Variants in PCDHGB4 observed in about 807,000 individuals in gnomAD.
PCDHGB4 encodes protocadherin gamma-B4.
PCDHGB4 carries 38 observed loss-of-function variants against 60.5 expected under a neutral mutation model. The observed-to-expected ratio is 0.63, with a 90% CI of 0.48 to 0.82. The LOEUF (loss-of-function observed/expected upper bound fraction) is 0.82. Ranked by LOEUF, PCDHGB4 falls within the 40% of genes least tolerant of loss-of-function variation. PCDHGB4 has a pLI of 0.00. For missense variants in PCDHGB4, 1,109 were observed against 1,209.6 expected (o/e 0.92, Z 1.23); for synonymous variants, 456 against 509.7 (o/e 0.89, Z 1.42).
chr5:141,428,757 G>T (rs1216855355), intron 1 of PCDHGB4: 1 of 154,176 alleles, frequency 6.5e-6, no homozygotes, highest in Non-Finnish European at 1.4e-5. Context: ...CTTCAGGTTT[G>T]TTTGCCCACT....
At position 141,387,838 on chromosome 5, in the gene PCDHGB4, A is replaced by G; in HGVS notation, c.-47A>G. On this transcript the variant is annotated 5_prime_UTR_variant, in exon 1 of 4. Transcript: ENST00000519479. The stretch of plus-strand genomic sequence containing the variant: ...AATCTGCAATACAGAGGTTATTTGT[A>G]ACCCGGCGTCTCCAGGCTGGTGAGC... 6.3e-7 allele frequency: 1 copy of G among 1,598,726 alleles called. No individual in the cohort carries two copies. The highest frequency in any genetic ancestry group is 2.2e-5 in the East Asian group (1 of 44,656).
At position 141,477,137 on chromosome 5, in the gene PCDHGB4, G is replaced by A; in HGVS notation, c.2398-17670G>A. 1 of 1,614,200 alleles carries A rather than the reference G, an allele frequency of 6.2e-7. No individual in the cohort carries two copies. The highest frequency in any genetic ancestry group is 8.5e-7 in the Non-Finnish European group (1 of 1,180,050). On this transcript the variant is annotated intron_variant, in intron 1 of 3. Coordinates refer to ENST00000519479, the MANE Select transcript of PCDHGB4 (RefSeq NM_003736.4). The surrounding 1 kb of genome is among the most constrained non-coding windows in gnomAD (Gnocchi z 4.9). ...AGGAGCACATTGCAAAGTGTTGGTG[G>A]AGGTTGTGGATGTGAATGACAACGC...
intron 1 of PCDHGB4, chr5:141,479,537 T>C (rs1299169562): frequency 6.6e-6 from 1 of 152,230 alleles, no homozygotes; most frequent in Non-Finnish European, 1.5e-5. Context: ...GTGGAGAAGG[T>C]CAAAACTGCT....
chr5:141,505,026 G>T (rs190826538), intron 2 of PCDHGB4, among the ~76,000 whole-genome samples: 1 of 152,198 alleles, frequency 6.6e-6, no homozygotes, highest in South Asian at 2.1e-4. Context: ...GCCTGGCACA[G>T]TGGCAGGTGC....
At chr5:141,404,167 G>A (rs2094493296) in intron 1 of PCDHGB4, 1 of 1,612,946 alleles carries the variant, frequency 6.2e-7, no homozygotes, top group South Asian at 1.1e-5. Flanking sequence ...ACAGATTGTT[G>A]ACGGCCCAAA....
intron 1 of PCDHGB4, chr5:141,409,281 C>A (rs1238898498): frequency 6.2e-7 from 1 of 1,613,874 alleles, no homozygotes; most frequent in Non-Finnish European, 8.5e-7. Flanking sequence ...TTGGAGAATT[C>A]ACCTCCAGGA....
intron 1 of PCDHGB4, chr5:141,410,511 G>C (rs755576652): frequency 6.2e-7 from 1 of 1,613,824 alleles, no homozygotes; most frequent in Non-Finnish European, 8.5e-7. Flanking sequence ...CTAAAATGCA[G>C]TGTGCCCCTA....
chr5:141,507,578 C>T (rs1268451710), intron 3 of PCDHGB4, among the ~76,000 whole-genome samples: 1 of 152,220 alleles, frequency 6.6e-6, no homozygotes, highest in East Asian at 1.9e-4. Context: ...GAGGAGATGC[C>T]AAGTTGGCCT....
intron 1 of PCDHGB4, among the ~76,000 whole-genome samples, chr5:141,474,463 T>C (rs1447737626): frequency 6.6e-6 from 1 of 152,228 alleles, no homozygotes; most frequent in Admixed American, 6.5e-5. Flanking sequence ...GCTATACTCT[T>C]TATTCTAAAT....
intron 3 of PCDHGB4, among the ~76,000 whole-genome samples, chr5:141,506,363 C>T (rs1013247178): frequency 4.0e-5 from 6 of 150,792 alleles, no homozygotes; most frequent in South Asian, 4.2e-4. Context: ...GCAGGAGAAT[C>T]GCTTGAACCT....
chr5:141,419,584 C>G, intron 1 of PCDHGB4: 1 of 1,611,800 alleles, frequency 6.2e-7, no homozygotes. Context: ...CCGCGCTCTT[C>G]GACACAGTGC....
At chr5:141,413,623 G>A (rs1454358985) in intron 1 of PCDHGB4, 2 of 1,613,752 alleles carry the variant, frequency 1.2e-6, no homozygotes, top group African/African-American at 1.3e-5. Flanking sequence ...TAATGAAAAT[G>A]TCGCTGCGGG....
rs2099412065 is a variant in PCDHGB4, at chr5:141,477,502, C to T, written c.2398-17305C>T. On this transcript the variant is annotated intron_variant, in intron 1 of 3. Coordinates refer to ENST00000519479, the MANE Select transcript of PCDHGB4 (RefSeq NM_003736.4). This position sits in a 1 kb window ranked among gnomAD's most constrained non-coding sequence, Gnocchi z 4.9. ...CTCCACAATCTTCTCAATCTTCCTACGACGTTTACATTGAAGAAAACAACC... is the reference window on the plus strand; with the variant it reads ...CTCCACAATCTTCTCAATCTTCCTATGACGTTTACATTGAAGAAAACAACC... 2 of 1,614,144 alleles carry T rather than the reference C, an allele frequency of 1.2e-6. No homozygotes were observed. Among genetic ancestry groups the T allele is most frequent in the Non-Finnish European group, 1.7e-6 (2 of 1,180,018 alleles).
At chr5:141,445,553 A>G (rs948468877) in intron 1 of PCDHGB4, among the ~76,000 whole-genome samples, 1 of 152,252 alleles carries the variant, frequency 6.6e-6, no homozygotes, top group Non-Finnish European at 1.5e-5. Context: ...ATACAAAAGC[A>G]CTAAGAGAAA....
chr5:141,408,914 A>G lies in PCDHGB4; in HGVS notation c.2397+18633A>G, dbSNP rs776105035. ...AATTTCTGTCAAGGATACCAATGAT[A>G]ACCCCCCGGTTTTCAGCAGAGACGA... On this transcript the variant is annotated intron_variant, in intron 1 of 3. Coordinates refer to ENST00000519479, the MANE Select transcript of PCDHGB4 (RefSeq NM_003736.4). The G allele has an allele frequency of 1.2e-5, 20 of 1,613,446 alleles. No homozygotes were observed. The South Asian group carries it at 2.1e-4, about 17-fold the overall frequency.
At chr5:141,409,054 T>C (rs1314214077) in intron 1 of PCDHGB4, 2 of 1,613,910 alleles carry the variant, frequency 1.2e-6, no homozygotes, top group Non-Finnish European at 1.7e-6. Flanking sequence ...TCCGAAGCAC[T>C]GCCCAGAGCA....
intron 1 of PCDHGB4, chr5:141,408,371 A>C (rs2095092452): frequency 6.2e-7 from 1 of 1,613,848 alleles, no homozygotes; most frequent in Non-Finnish European, 8.5e-7. Flanking sequence ...TCTAGGGCTC[A>C]GTGTCCTGGA....
chr5:141,408,924 T>G, intron 1 of PCDHGB4: 1 of 1,612,706 alleles, frequency 6.2e-7, no homozygotes. Flanking sequence ...AACCCCCCGG[T>G]TTTCAGCAGA....
At chr5:141,409,317 G>A in intron 1 of PCDHGB4, 2 of 1,613,940 alleles carry the variant, frequency 1.2e-6, no homozygotes, top group Non-Finnish European at 1.7e-6. Flanking sequence ...TTCAAAACAC[G>A]GGATCTGGAT....
Sources: gnomAD v4.1 joint callset for allele counts (sites outside exome capture counted in the v4.1 genomes callset) on GRCh38, gnomAD v4.1.1 for gene constraint, Gnocchi (gnomAD v3.1) non-coding constraint, MANE v1.5 for transcripts, NCBI Gene and HGNC (gene_info 2026-07-23, HGNC 2026-07-21) for gene names.